The following SPEG variants were observed in gnomAD, a reference collection of about 807,000 sequenced individuals.
The protein encoded by SPEG is striated muscle preferentially expressed protein kinase.
In SPEG, 114 loss-of-function variants were observed where a neutral mutation model predicts 300.4. That is an observed-to-expected ratio of 0.38 (90% CI 0.33 to 0.44). The LOEUF (loss-of-function observed/expected upper bound fraction) is 0.44, where lower values mean the gene tolerates loss of function less well. SPEG is among the 20% of genes least tolerant of loss of function. The pLI, the probability that SPEG is intolerant of heterozygous loss-of-function variation, is 1.00. For missense variants in SPEG, 4,201 were observed against 4,586.2 expected, an observed-to-expected ratio of 0.92 and a Z score of 2.43; for synonymous variants, 1,964 against 2,018.9, an observed-to-expected ratio of 0.97 and a Z score of 0.73.
chr2:219,475,033 C>A (rs1170212311), intron 18 of SPEG, among the ~76,000 whole-genome samples: 1 of 152,122 alleles, frequency 6.6e-6, no homozygotes, highest in African/African-American at 2.4e-5. Flanking sequence ...AATCCGTCCA[C>A]CTCGGCTTCC....
chr2:219,491,906 C>A, intron 39 of SPEG, 37 bp downstream of exon 39: 1 of 1,538,864 alleles, frequency 6.5e-7, no homozygotes, highest in Non-Finnish European at 8.8e-7. Context: ...CCTCTCTGCC[C>A]ATACAGTGAG....
chr2:219,488,104 T>A, intron 31 of SPEG, 90 bp from the exon 32 acceptor site: 2 of 777,956 alleles, frequency 2.6e-6, no homozygotes, highest in Non-Finnish European at 2.2e-6. Context: ...TGCTTCCTGA[T>A]GGCTGTTTGC....
chr2:219,465,962 T>A lies in SPEG; in HGVS notation c.2882-1212T>A, dbSNP rs1691296471. The A allele has an allele frequency of 2.8e-6, 3 of 1,067,910 alleles. No individual in the cohort carries two copies. In the African/African-American group the frequency reaches 4.5e-5, roughly 16 times the overall value. 66.2% of individuals were successfully genotyped at this position (1,067,910 alleles called of 1,614,324 possible). On this transcript the variant is annotated intron_variant, in intron 9 of 40. Coordinates refer to ENST00000312358, the MANE Select transcript of SPEG (RefSeq NM_005876.5). ...GCACGTGTGCGTGCATGTGTGCGTG[T>A]GCATGCGTGTGTGTGCATGTGTGTG...
rs13419524 is a variant in SPEG at position 219,438,376 on chromosome 2, G to C, written c.388+3011G>C. Among the ~76,000 whole-genome samples, 318 of 152,324 alleles carry C rather than the reference G, an allele frequency of 2.1e-3. 2 individuals are homozygous for C. The highest frequency in any genetic ancestry group is 7.4e-3 in the African/African-American group (307 of 41,574). On this transcript the variant is annotated intron_variant, in intron 1 of 40. Coordinates refer to ENST00000312358, the MANE Select transcript of SPEG (RefSeq NM_005876.5). ...CTAGTGAGGTGCCAGAGCCAGGTCT[G>C]AAAGCCAGGTATCTGAGTCTGGGTC...
chr2:219,435,141 G>A lies in SPEG; in HGVS notation c.164G>A (p.Cys55Tyr). The A allele has an allele frequency of 1.4e-6, 2 of 1,459,030 alleles. No individual in the cohort carries two copies. The highest frequency in any genetic ancestry group is 1.8e-6 in the Non-Finnish European group (2 of 1,116,268). 90.4% of individuals were successfully genotyped at this position (1,459,030 alleles called of 1,614,324 possible). A position where few individuals can be genotyped will look rare whatever the true frequency, so the allele number is the denominator to read the frequency against. The change falls in exon 1 of 41, where the codon TGC becomes TAC. Residue 55 changes from cysteine to tyrosine, a missense_variant. Physicochemically the swap from Cys to Tyr is radical, Grantham distance 194 (BLOSUM62 -2). Around this residue, in one of 4 missense-constraint regions of SPEG, gnomAD observed 1,258 missense variants for 1,293.9 expected, o/e 0.97. Transcript: ENST00000312358. The part of the protein sequence containing the change: ...FLRPLKNAAV[C>Y]AGSDVRLRVV... ...CGGCCCCTGAAGAACGCGGCGGTGT[G>A]CGCGGGCAGCGACGTGCGGCTGCGG...
rs1692873292 is a variant in SPEG, at chr2:219,481,819, T to C, written c.5565+139T>C. The C allele has an allele frequency of 5.1e-6, 4 of 785,546 alleles. No individual in the cohort carries two copies. The highest frequency in any genetic ancestry group is 8.8e-6 in the Non-Finnish European group (4 of 452,296). The allele number at this position is 785,546 out of a possible 1,614,324, so 48.7% of individuals were successfully genotyped here. ...TACATATGACGTATTAGCCTCACAA[T>C]AGCTTTGCAAAGGAAGGCATTATTA... On this transcript the variant is annotated intron_variant, in intron 28 of 40. Coordinates refer to ENST00000312358, the MANE Select transcript of SPEG (RefSeq NM_005876.5). This position sits in a 1 kb window ranked among gnomAD's most constrained non-coding sequence, Gnocchi z 5.4.
Position 219,492,149 on chromosome 2 carries a change from AGGAAACG to A in SPEG, c.9502_9508del (p.Glu3168ArgfsTer54). On this transcript the variant is annotated frameshift_variant, in exon 40 of 41. Transcript: ENST00000312358. LOFTEE classifies it high-confidence loss of function. ...TCCCCGTTCTATGAGCCAGACCCCC[AGGAAACG>A]GAGGCTCGGATTGTGGGGGGCCGCT... 1.9e-6 allele frequency: 3 copies of A among 1,613,632 alleles called. No individual in the cohort carries two copies. The highest frequency in any genetic ancestry group is 2.5e-6 in the Non-Finnish European group (3 of 1,179,806).
At chr2:219,487,799 G>A (rs973204073) in intron 31 of SPEG, among the ~76,000 whole-genome samples, 4 of 152,236 alleles carry the variant, frequency 2.6e-5, no homozygotes, top group African/African-American at 9.6e-5. Flanking sequence ...GCCCTGTGGT[G>A]CCCCAGAGAG....
rs1188800949 is a variant in SPEG, at chr2:219,434,897, C to T, written c.-81C>T. 9.6e-7 allele frequency: 1 copy of T among 1,041,052 alleles called. No homozygotes were observed. The highest frequency in any genetic ancestry group is 3.2e-5 in the East Asian group (1 of 31,376). The allele number at this position is 1,041,052 out of a possible 1,614,324, so 64.5% of individuals were successfully genotyped here. A position where few individuals can be genotyped will look rare whatever the true frequency, so the allele number is the denominator to read the frequency against. On this transcript the variant is annotated 5_prime_UTR_variant, in exon 1 of 41. Coordinates refer to ENST00000312358, the MANE Select transcript of SPEG (RefSeq NM_005876.5). ...GAAGGCAGGCCGCCGGCCCCCCAGA[C>T]TTGTCTCCTAGGGCACCGTCCCGCG...
rs1488539885 is a variant in SPEG, at chr2:219,489,515, T to C, written c.8497T>C (p.Ser2833Pro). The change falls in exon 36 of 41, where the codon TCC becomes CCC. Residue 2833 changes from serine to proline, a missense_variant. Physicochemically the swap from Ser to Pro is moderately conservative, Grantham distance 74. Coordinates refer to ENST00000312358, the MANE Select transcript of SPEG (RefSeq NM_005876.5). ...SPPTPPSQALSSLKAVGPPPQ... is the reference protein window; with the variant it reads ...SPPTPPSQALPSLKAVGPPPQ... ...CCCCACACCTCCTAGCCAGGCCTTG[T>C]CCTCGCTCAAGGCTGTGGGTCCACC... 6.2e-7 allele frequency: 1 copy of C among 1,611,508 alleles called. No homozygotes were observed. Among genetic ancestry groups the C allele is most frequent in the Admixed American group, 1.7e-5 (1 of 59,898 alleles).
chr2:219,454,403 AGT>A, intron 6 of SPEG, among the ~76,000 whole-genome samples: 1 of 152,274 alleles, frequency 6.6e-6, no homozygotes, highest in African/African-American at 2.4e-5. Flanking sequence ...GAGTGTGAGA[AGT>A]GTGCTTAACC....
chr2:219,477,206 G>A lies in SPEG; in HGVS notation c.4561-71G>A. 6.6e-7 allele frequency: 1 copy of A among 1,505,558 alleles called. No individual in the cohort carries two copies. Among genetic ancestry groups the A allele is most frequent in the Non-Finnish European group, 8.9e-7 (1 of 1,121,178 alleles). The allele number at this position is 1,505,558 out of a possible 1,614,324, so 93.3% of individuals were successfully genotyped here. On this transcript the variant is annotated intron_variant, in intron 19 of 40. Transcript: ENST00000312358. The surrounding 1 kb of genome is among the most constrained non-coding windows in gnomAD (Gnocchi z 6.4). ...GGTGAGAGATGCGCTGCCCAGAGTA[G>A]GAGATGAGGCCCTGGCCCCAAGGTA...
rs200796349 is a variant in SPEG at position 219,490,413 on chromosome 2, C to A, written c.8926C>A (p.Arg2976Ser). The A allele has an allele frequency of 2.0e-4, 329 of 1,609,098 alleles. No individual in the cohort carries two copies. Among genetic ancestry groups the A allele is most frequent in the Middle Eastern group, 3.6e-4 (2 of 5,592 alleles). The change falls in exon 37 of 41, where the codon CGC becomes AGC. Residue 2976 changes from arginine (R) to serine (S), a missense_variant. Physicochemically the swap from Arg to Ser is moderately radical, Grantham distance 110 (BLOSUM62 -1). Around this residue, in one of 4 missense-constraint regions of SPEG, gnomAD observed 318 missense variants for 429.5 expected, o/e 0.74. Coordinates refer to ENST00000312358, the MANE Select transcript of SPEG (RefSeq NM_005876.5). The part of the protein sequence containing the change: ...YTFLEEKARG[R>S]FGVVRACREN... ...GTCCCTCCCCCCGACACACAGGGGC[C>A]GCTTTGGTGTTGTGCGAGCGTGCCG...
rs771417453 is a variant in SPEG, at chr2:219,477,978, A to G, written c.4900A>G (p.Ser1634Gly). Residue 1634 changes from serine (S) to glycine (G), a missense_variant, in exon 22 of 41, where the codon AGC becomes GGC. This residue lies in a region of SPEG where 1,047 missense variants were observed against 1,356.8 expected (regional missense o/e 0.77). Transcript: ENST00000312358. The surrounding 1 kb of genome is among the most constrained non-coding windows in gnomAD (Gnocchi z 6.4). Reference sequence around the variant, plus strand: ...GGAGTTTGCGGCCAAGTTCATCCCCAGCCAGGCCAAGCCAAAGGCATCAGC... The same window carrying G: ...GGAGTTTGCGGCCAAGTTCATCCCCGGCCAGGCCAAGCCAAAGGCATCAGC... ...GLEFAAKFIP[S>G]QAKPKASARR... 6.8e-6 allele frequency: 11 copies of G among 1,614,186 alleles called. No homozygotes were observed. Among genetic ancestry groups the G allele is most frequent in the South Asian group, 1.1e-5 (1 of 91,080 alleles).
rs770821486 is a variant in SPEG at position 219,473,637 on chromosome 2, T to C, written c.4271+10T>C. Reference sequence around the variant, plus strand: ...AGGTCGTCTGGAGGAGGTGGGCCCCTTTCCCACATGTGGCAGCCCAGGTCT... The same window carrying C: ...AGGTCGTCTGGAGGAGGTGGGCCCCCTTCCCACATGTGGCAGCCCAGGTCT... On this transcript the variant is annotated intron_variant, in intron 17 of 40. Transcript: ENST00000312358. This position sits in a 1 kb window ranked among gnomAD's most constrained non-coding sequence, Gnocchi z 4.6. 1.2e-6 allele frequency: 2 copies of C among 1,614,126 alleles called. No homozygotes were observed. Among genetic ancestry groups the C allele is most frequent in the Non-Finnish European group, 1.7e-6 (2 of 1,180,006 alleles).
At chr2:219,436,535 C>T (rs541027769) in intron 1 of SPEG, among the ~76,000 whole-genome samples, 1 of 152,144 alleles carries the variant, frequency 6.6e-6, no homozygotes, top group Non-Finnish European at 1.5e-5. Flanking sequence ...GGGGTAAATC[C>T]TTGGAGGCTG....
chr2:219,472,043 G>A (rs549279019), intron 14 of SPEG, 56 bp downstream of exon 14: 25 of 1,598,024 alleles, frequency 1.6e-5, no homozygotes, highest in East Asian at 4.5e-5. Context: ...CTGGCACTAC[G>A]TGGGGGCTCA....
Position 219,448,405 on chromosome 2 carries a change from G to T in SPEG, c.1247G>T (p.Arg416Leu), listed in dbSNP as rs772373387. 2.6e-6 allele frequency: 4 copies of T among 1,530,722 alleles called. No individual in the cohort carries two copies. The highest frequency in any genetic ancestry group is 8.7e-7 in the Non-Finnish European group (1 of 1,143,642). 94.8% of individuals were successfully genotyped at this position (1,530,722 alleles called of 1,614,324 possible). ...FFEERRRSLE[R>L]SDSPPAPLRP... Reference sequence around the variant, plus strand: ...GAGGAGCGACGGCGCAGCCTGGAGCGCAGCGACTCGCCGCCGGCGCCCCTG... The same window carrying T: ...GAGGAGCGACGGCGCAGCCTGGAGCTCAGCGACTCGCCGCCGGCGCCCCTG... Residue 416 changes from arginine (R) to leucine (L), a missense_variant, in exon 4 of 41, where the codon CGC becomes CTC. Physicochemically the swap from Arg to Leu is moderately radical, Grantham distance 102. Around this residue, in one of 4 missense-constraint regions of SPEG, gnomAD observed 1,258 missense variants for 1,293.9 expected, o/e 0.97. Transcript: ENST00000312358.
rs1185180033 is a variant in SPEG, at chr2:219,464,421, C to A, written c.2706-12C>A. The A allele has an allele frequency of 1.9e-6, 3 of 1,604,350 alleles. No individual in the cohort carries two copies. Among genetic ancestry groups the A allele is most frequent in the Admixed American group, 3.3e-5 (2 of 59,804 alleles). ...CCTGGGCCCTGGGACTGAGTTCTTG[C>A]CCCTCTGACAGGCTGAGAAACCGCC... is the stretch of plus-strand genomic sequence containing the variant. On this transcript the variant is annotated splice_polypyrimidine_tract_variant and intron_variant, in intron 8 of 40. Transcript: ENST00000312358. This position sits in a 1 kb window ranked among gnomAD's most constrained non-coding sequence, Gnocchi z 4.5.
Sources: allele counts gnomAD v4.1 joint callset (sites outside exome capture counted in the v4.1 genomes callset), GRCh38; gene constraint gnomAD v4.1.1; regional missense constraint gnomAD v4.1.1; non-coding constraint Gnocchi (gnomAD v3.1); transcripts MANE v1.5; gene names NCBI Gene and HGNC (gene_info 2026-07-23, HGNC 2026-07-21).